The following RABL2B variants were observed in gnomAD, a reference collection of about 807,000 sequenced individuals.
RABL2B encodes RAB, member of RAS oncogene family like 2B, also known as rab-like protein 2B.
Under a neutral mutation model 26.7 loss-of-function variants are expected in RABL2B, and 17 were observed. The observed-to-expected ratio is 0.64, with a 90% CI of 0.44 to 0.95. The LOEUF (loss-of-function observed/expected upper bound fraction) is 0.95, where lower values mean the gene tolerates loss of function less well. Ranked by LOEUF, RABL2B falls within the 40% of genes least tolerant of loss-of-function variation. The probability of loss-of-function intolerance (pLI) is 0.00; values close to 1 mark genes in which losing one functional copy is unlikely to be tolerated. For missense variants in RABL2B, 170 were observed against 277.2 expected, an observed-to-expected ratio of 0.61 and a Z score of 2.75; for synonymous variants, 70 against 103.9, an observed-to-expected ratio of 0.67 and a Z score of 1.99.
At chr22:50,782,574 T>C (rs2086069560) in intron 1 of RABL2B, among the ~76,000 whole-genome samples, 2 of 152,018 alleles carry the variant, frequency 1.3e-5, no homozygotes, top group South Asian at 4.1e-4. Flanking sequence ...ACGTTACCCA[T>C]TTGCACAAGA....
rs374325576 is a variant in RABL2B, at chr22:50,773,133, G to A, written c.297+2639C>T. On this transcript the variant is annotated intron_variant, in intron 5 of 8. Coordinates refer to ENST00000691320, the MANE Select transcript of RABL2B (RefSeq NM_001130919.3). ...CACTCCAAGAGAAAAAGAGAGGTGA[G>A]CTCAAAATACCAAATGCCACTGTAG... 596 of 1,274,908 alleles carry A rather than the reference G, an allele frequency of 4.7e-4. 4 individuals are homozygous for A. In the African/African-American group the frequency reaches 7.7e-3, roughly 17 times the overall value. The allele number at this position is 1,274,908 out of a possible 1,614,324, so 79.0% of individuals were successfully genotyped here.
chr22:50,782,478 T>C lies in RABL2B; in HGVS notation c.-53-131A>G. ...TATGGTATGCAATTGACTACTAGAC[T>C]TGGAGTAGCAGAGTATGACACACAG... On this transcript the variant is annotated intron_variant, in intron 1 of 8. Coordinates refer to ENST00000691320, the MANE Select transcript of RABL2B (RefSeq NM_001130919.3). The C allele has an allele frequency of 3.5e-6, 5 of 1,432,564 alleles. No homozygotes were observed. The South Asian group carries it at 5.3e-5, about 15-fold the overall frequency. 88.7% of individuals were successfully genotyped at this position (1,432,564 alleles called of 1,614,324 possible).
rs1412901444 is a variant in RABL2B, at chr22:50,776,707, C to G, written c.180G>C (p.Lys60Asn). Residue 60 changes from lysine to asparagine, a missense_variant, in exon 4 of 9, where the codon AAG becomes AAC. Physicochemically the swap from Lys to Asn is moderately conservative, Grantham distance 94. Transcript: ENST00000691320. The stretch of plus-strand genomic sequence containing the variant: ...TCCTTCCATCTACCGTGGCTGTGTG[C>G]TTGTACAGGGTCAGGGCGTACGTGG... Reference protein sequence around the residue: ...QLSTYALTLYKHTATVDGRTI... With the variant: ...QLSTYALTLYNHTATVDGRTI... 2 of 1,611,668 alleles carry G rather than the reference C, an allele frequency of 1.2e-6. No homozygotes were observed. The highest frequency in any genetic ancestry group is 8.5e-7 in the Non-Finnish European group (1 of 1,178,858).
intron 5 of RABL2B, 144 bp from the exon 6 acceptor site, chr22:50,770,160 G>A (rs1351956877): frequency 1.7e-5 from 23 of 1,323,836 alleles, no homozygotes; most frequent in African/African-American, 2.9e-5. Context: ...CTCTCTGACC[G>A]CAGAGGCTGC....
At chr22:50,775,206 T>A (rs1555922396) in intron 5 of RABL2B, among the ~76,000 whole-genome samples, 1 of 152,218 alleles carries the variant, frequency 6.6e-6, no homozygotes, top group Non-Finnish European at 1.5e-5. Flanking sequence ...TATACAGAGC[T>A]CCTTTTTCCT....
chr22:50,779,548 G>T (rs1176453942), intron 2 of RABL2B, among the ~76,000 whole-genome samples: 16 of 151,878 alleles, frequency 1.1e-4, no homozygotes, highest in African/African-American at 3.9e-4. Flanking sequence ...GGGTGGGGGG[G>T]GTGTGCCTTT....
At chr22:50,780,783 T>C in intron 2 of RABL2B, 1 of 470,218 alleles carries the variant, frequency 2.1e-6, no homozygotes, top group Non-Finnish European at 4.4e-6. Context: ...TTATTTTTTG[T>C]TACTGTTTGA....
intron 2 of RABL2B, chr22:50,780,562 G>C (rs2085668258): frequency 2.5e-6 from 1 of 403,778 alleles, no homozygotes; most frequent in Admixed American, 3.1e-5. Context: ...AAAATTGGCA[G>C]TAATTCTTGA....
At chr22:50,772,833 C>T (rs1317871116) in intron 5 of RABL2B, 1 of 1,170,946 alleles carries the variant, frequency 8.5e-7, no homozygotes, top group Non-Finnish European at 1.1e-6. Flanking sequence ...AGCATCTGTT[C>T]CTTGTTTTGA....
Position 50,777,908 on chromosome 22 carries a change from G to A in RABL2B, c.137+44C>T, listed in dbSNP as rs782570958. The stretch of plus-strand genomic sequence containing the variant: ...GTGGGACACTGATACATGAGCGTGG[G>A]AAGACCCACAGGAACAAGGGGTACT... On this transcript the variant is annotated intron_variant, in intron 3 of 8. Transcript: ENST00000691320. The A allele has an allele frequency of 9.3e-6, 15 of 1,613,922 alleles. No homozygotes were observed. The African/African-American group carries it at 9.3e-5, about 10-fold the overall frequency.
rs183833163 is a variant in RABL2B, at chr22:50,772,981, C to T, written c.297+2791G>A. The T allele has an allele frequency of 2.3e-3, 2,991 of 1,288,836 alleles. 8 individuals are homozygous for T. The highest frequency in any genetic ancestry group is 2.1e-3 in the Non-Finnish European group (2,087 of 980,370). The allele number at this position is 1,288,836 out of a possible 1,614,324, so 79.8% of individuals were successfully genotyped here. A position where few individuals can be genotyped will look rare whatever the true frequency, so the allele number is the denominator to read the frequency against. On this transcript the variant is annotated intron_variant, in intron 5 of 8. Coordinates refer to ENST00000691320, the MANE Select transcript of RABL2B (RefSeq NM_001130919.3). ...CAAGTGCTTTCTACTCGCCAGGGCCCGTGCAGCAGACTGGGGCTGGTGGCA... is the reference window on the plus strand; with the variant it reads ...CAAGTGCTTTCTACTCGCCAGGGCCTGTGCAGCAGACTGGGGCTGGTGGCA...
rs1396271654 is a variant in RABL2B, at chr22:50,778,107, C to T, written c.108-126G>A. 34 of 1,281,050 alleles carry T rather than the reference C, an allele frequency of 2.7e-5. No homozygotes were observed. In the African/African-American group the frequency reaches 4.6e-4, roughly 17 times the overall value. 79.4% of individuals were successfully genotyped at this position (1,281,050 alleles called of 1,614,324 possible). On this transcript the variant is annotated intron_variant, in intron 2 of 8. Transcript: ENST00000691320. ...TTCCCTTCCCCCTTTCACTCCACAGCCACACAGCTTCCGGGTCAAGTCTGG... is the reference window on the plus strand; with the variant it reads ...TTCCCTTCCCCCTTTCACTCCACAGTCACACAGCTTCCGGGTCAAGTCTGG...
chr22:50,775,835 T>C lies in RABL2B; in HGVS notation c.234A>G (p.Ala78=). The change falls in exon 5 of 9, where the codon GCA becomes GCG. Residue 78 remains alanine, a synonymous_variant. Transcript: ENST00000691320. The part of the protein sequence containing the change: ...RTILVDFWDT[A]GQERFQSMHA... Reference sequence around the variant, plus strand: ...GCATGCTCTGGAACCGCTCCTGGCCTGCCGTGTCCCAAAAGTCTGCAATGT... The same window carrying C: ...GCATGCTCTGGAACCGCTCCTGGCCCGCCGTGTCCCAAAAGTCTGCAATGT... The C allele has an allele frequency of 6.2e-7, 1 of 1,614,212 alleles. No individual in the cohort carries two copies.
rs1416137511 is a variant in RABL2B, at chr22:50,783,507, T to G, written c.-60A>C. ...GGGGCGGATTTGCCCTCACGTGCGG[T>G]TCCGAGTGAGGGCTGGAGAGACCAG... On this transcript the variant is annotated 5_prime_UTR_variant, in exon 1 of 9. Coordinates refer to ENST00000691320, the MANE Select transcript of RABL2B (RefSeq NM_001130919.3). The G allele has an allele frequency of 1.3e-5, 2 of 152,162 alleles. No individual in the cohort carries two copies. Among genetic ancestry groups the G allele is most frequent in the Admixed American group, 6.5e-5 (1 of 15,284 alleles). 9.4% of individuals were successfully genotyped at this position (152,162 alleles called of 1,614,324 possible).
chr22:50,777,859 G>A (rs2085222909), intron 3 of RABL2B, 93 bp downstream of exon 3: 1 of 1,596,796 alleles, frequency 6.3e-7, no homozygotes, highest in African/African-American at 1.3e-5. Flanking sequence ...TCCTTCCTGG[G>A]CTGCTGGTAC....
chr22:50,768,683 G>A lies in RABL2B; in HGVS notation c.*93C>T. The stretch of plus-strand genomic sequence containing the variant: ...GGTGGGTTGCAGGAGGTAGAAGAGG[G>A]GATGGCCTAGAGAGTTTCTCCATTC... On this transcript the variant is annotated 3_prime_UTR_variant, in exon 9 of 9. Coordinates refer to ENST00000691320, the MANE Select transcript of RABL2B (RefSeq NM_001130919.3). 1 of 1,495,656 alleles carries A rather than the reference G, an allele frequency of 6.7e-7. No individual in the cohort carries two copies. The highest frequency in any genetic ancestry group is 8.9e-7 in the Non-Finnish European group (1 of 1,121,202). The allele number at this position is 1,495,656 out of a possible 1,614,324, so 92.6% of individuals were successfully genotyped here. A position where few individuals can be genotyped will look rare whatever the true frequency, so the allele number is the denominator to read the frequency against.
At chr22:50,769,332 C>A in intron 7 of RABL2B, 123 bp downstream of exon 7, 2 of 1,605,386 alleles carry the variant, frequency 1.2e-6, no homozygotes, top group Admixed American at 1.7e-5. Context: ...CCCCTCCCTG[C>A]CACCCATGCC....
In RABL2B at chr22:50,767,534, A is replaced by C. The variant is rs1239956052; in HGVS notation, c.*1242T>G. On this transcript the variant is annotated 3_prime_UTR_variant, in exon 9 of 9. Transcript: ENST00000691320. ...ATGTAATTCAGCCTTTACTGTAAAAAAGGAAACAACAAAAACAAAACCCTA... is the reference window on the plus strand; with the variant it reads ...ATGTAATTCAGCCTTTACTGTAAAACAGGAAACAACAAAAACAAAACCCTA... The C allele has an allele frequency of 5.9e-6, 2 of 337,002 alleles. No individual in the cohort carries two copies. Among genetic ancestry groups the C allele is most frequent in the East Asian group, 1.8e-4 (2 of 11,084 alleles). The allele number at this position is 337,002 out of a possible 1,614,324, so 20.9% of individuals were successfully genotyped here. A position where few individuals can be genotyped will look rare whatever the true frequency, so the allele number is the denominator to read the frequency against.
In RABL2B at chr22:50,768,509, G is replaced by A. The variant is rs1351358633; in HGVS notation, c.*267C>T. 13 of 689,262 alleles carry A rather than the reference G, an allele frequency of 1.9e-5. No individual in the cohort carries two copies. Among genetic ancestry groups the A allele is most frequent in the East Asian group, 6.3e-5 (2 of 31,684 alleles). The allele number at this position is 689,262 out of a possible 1,614,324, so 42.7% of individuals were successfully genotyped here. ...CTGATTCTCTTCACTGTCTGCCTGC[G>A]GGGAGGGGGTGGGGAAGGTGTTAAT... On this transcript the variant is annotated 3_prime_UTR_variant, in exon 9 of 9. Coordinates refer to ENST00000691320, the MANE Select transcript of RABL2B (RefSeq NM_001130919.3).
Sources: allele counts gnomAD v4.1 joint callset (sites outside exome capture counted in the v4.1 genomes callset), GRCh38; gene constraint gnomAD v4.1.1; transcripts MANE v1.5; gene names NCBI Gene and HGNC (gene_info 2026-07-23, HGNC 2026-07-21).